NUDCD3: variants seen among roughly 807,000 people sequenced by gnomAD.
The protein encoded by NUDCD3 is nudC domain-containing protein 3.
NUDCD3 carries 13 observed loss-of-function variants against 39.7 expected under a neutral mutation model. That is an observed-to-expected ratio of 0.33 (90% CI 0.21 to 0.52). The LOEUF is 0.52. NUDCD3 is among the 20% of genes least tolerant of loss of function. The probability of loss-of-function intolerance (pLI) is 0.96; values close to 1 mark genes in which losing one functional copy is unlikely to be tolerated. For missense variants in NUDCD3, 453 were observed against 458.1 expected, an observed-to-expected ratio of 0.99 and a Z score of 0.10; for synonymous variants, 175 against 172.4, an observed-to-expected ratio of 1.02 and a Z score of -0.12.
chr7:44,386,016 A>C lies in NUDCD3; in HGVS notation c.1081T>G (p.Phe361Val), dbSNP rs1798394364. The change falls in exon 6 of 6, where the codon TTT (phenylalanine) becomes GTT (valine). Residue 361 changes from phenylalanine to valine, a missense_variant. Phe to Val is a conservative substitution (Grantham distance 50). Coordinates refer to ENST00000355451, the MANE Select transcript of NUDCD3 (RefSeq NM_015332.4). ...MFNISPGAVQ[F>V] ...GTTTCCTTTCCTTCTGGTCATTAAA[A>C]CTGCACAGCCCCCGGGGAGATGTTG... 6.7e-7 allele frequency: 1 copy of C among 1,501,212 alleles called. No homozygotes were observed. The highest frequency in any genetic ancestry group is 9.3e-7 in the Non-Finnish European group (1 of 1,077,056). 93.0% of individuals were successfully genotyped at this position (1,501,212 alleles called of 1,614,324 possible).
chr7:44,442,765 G>A (rs1284278044), intron 2 of NUDCD3, among the ~76,000 whole-genome samples: 2 of 147,928 alleles, frequency 1.4e-5, no homozygotes, highest in African/African-American at 2.5e-5. Flanking sequence ...GCGCTATCGC[G>A]GCTCACTGCA....
chr7:44,475,720 G>T (rs531976784), intron 2 of NUDCD3, among the ~76,000 whole-genome samples: 2 of 151,810 alleles, frequency 1.3e-5, no homozygotes, highest in African/African-American at 4.8e-5. Context: ...CAATTGCACC[G>T]TGCTCCACTA....
At position 44,485,090 on chromosome 7, in the gene NUDCD3, T is replaced by C. The variant is rs750575302; in HGVS notation, c.387A>G (p.Glu129=). The stretch of plus-strand genomic sequence containing the variant: ...GGCCTGGAGGCTGCACTTTCTCTAC[T>C]TCCTGATGCCCATCCAATTCTGTGG... ...DSTTELDGHQ[E]VEKVQPPGPV... is the part of the protein sequence containing the mutation. The change falls in exon 2 of 6, where the codon GAA becomes GAG. Residue 129 remains glutamate (E), a synonymous_variant. Coordinates refer to ENST00000355451, the MANE Select transcript of NUDCD3 (RefSeq NM_015332.4). 1.2e-6 allele frequency: 2 copies of C among 1,614,234 alleles called. No individual in the cohort carries two copies. The highest frequency in any genetic ancestry group is 1.7e-6 in the Non-Finnish European group (2 of 1,180,038).
At chr7:44,477,085 A>G (rs770085263) in intron 2 of NUDCD3, among the ~76,000 whole-genome samples, 1 of 152,134 alleles carries the variant, frequency 6.6e-6, no homozygotes, top group Non-Finnish European at 1.5e-5. Flanking sequence ...CACTACCCAA[A>G]GCAAGAGAAA....
At chr7:44,469,757 C>A (rs1800213625) in intron 2 of NUDCD3, among the ~76,000 whole-genome samples, 1 of 147,546 alleles carries the variant, frequency 6.8e-6, no homozygotes, top group Non-Finnish European at 1.5e-5. Flanking sequence ...GCATTCTTGC[C>A]AAAAACATAT....
At chr7:44,487,952 CAAAAATA>C (rs1032176037) in intron 1 of NUDCD3, among the ~76,000 whole-genome samples, 17 of 150,580 alleles carry the variant, frequency 1.1e-4, no homozygotes, top group Non-Finnish European at 1.9e-4. Flanking sequence ...GACTCCATCT[CAAAAATA>C]AAAAATAAAA....
At chr7:44,456,051 CAAAA>C (rs372176405) in intron 2 of NUDCD3, among the ~76,000 whole-genome samples, 35 of 104,776 alleles carry the variant, frequency 3.3e-4, no homozygotes, top group African/African-American at 1.3e-3. Flanking sequence ...AAAAAAAAAA[CAAAA>C]AAACAAACAA....
At position 44,440,092 on chromosome 7, in the gene NUDCD3, A is replaced by G. The variant is rs951339643; in HGVS notation, c.510-12389T>C. Among the ~76,000 whole-genome samples the G allele has an allele frequency of 2.0e-5, 3 of 152,244 alleles. No individual in the cohort carries two copies. In the East Asian group the frequency reaches 5.8e-4, roughly 29 times the overall value. Reference sequence around the variant, plus strand: ...AGTGGGGCTGGACTTAGTGGCTCTCATGAACAGGGTACAGAGAGGGGACAA... The same window carrying G: ...AGTGGGGCTGGACTTAGTGGCTCTCGTGAACAGGGTACAGAGAGGGGACAA... On this transcript the variant is annotated intron_variant, in intron 2 of 5. Transcript: ENST00000355451.
chr7:44,423,931 G>A (rs571240959), intron 3 of NUDCD3, among the ~76,000 whole-genome samples: 6 of 152,178 alleles, frequency 3.9e-5, no homozygotes, highest in Admixed American at 6.5e-5. Context: ...GCATAGTACC[G>A]GTACCAAAAG....
At chr7:44,401,288 C>T (rs1438212280) in intron 4 of NUDCD3, among the ~76,000 whole-genome samples, 3 of 152,204 alleles carry the variant, frequency 2.0e-5, no homozygotes, top group African/African-American at 7.2e-5. Context: ...CTCATTAATT[C>T]ACAATATTAT....
intron 4 of NUDCD3, chr7:44,402,691 T>C (rs187965115): frequency 6.6e-6 from 3 of 456,642 alleles, no homozygotes; most frequent in Admixed American, 2.3e-5. Flanking sequence ...CGTGACCTGC[T>C]CCATGATCTG....
In NUDCD3 at chr7:44,456,025, CAAAAAAAAAAAAA is replaced by C. The variant is rs1233592095; in HGVS notation, c.510-28335_510-28323del. On this transcript the variant is annotated intron_variant, in intron 2 of 5. Coordinates refer to ENST00000355451, the MANE Select transcript of NUDCD3 (RefSeq NM_015332.4). ...TGGGCGACAGAGCGAGACTCCGTCTCAAAAAAAAAAAAAAAAAAAAAAAAACAAAAAAACAAAC... is the reference window on the plus strand; with the variant it reads ...TGGGCGACAGAGCGAGACTCCGTCTCAAAAAAAAAAAACAAAAAAACAAAC... Among the ~76,000 whole-genome samples, 4 of 28,502 alleles carry C rather than the reference CAAAAAAAAAAAAA, an allele frequency of 1.4e-4. No individual in the cohort carries two copies. The Admixed American group carries it at 2.0e-3, about 14-fold the overall frequency. The allele number at this position is 28,502 out of a possible 152,430, so 18.7% of individuals were successfully genotyped here. A position where few individuals can be genotyped will look rare whatever the true frequency, so the allele number is the denominator to read the frequency against.
At chr7:44,393,302 T>C (rs1330636681) in intron 4 of NUDCD3, among the ~76,000 whole-genome samples, 4 of 152,174 alleles carry the variant, frequency 2.6e-5, no homozygotes, top group Non-Finnish European at 4.4e-5. Context: ...GCCCTCAGTG[T>C]TGGGGTCTGT....
chr7:44,450,362 G>A (rs1799771461), intron 2 of NUDCD3, among the ~76,000 whole-genome samples: 1 of 151,992 alleles, frequency 6.6e-6, no homozygotes, highest in East Asian at 2.0e-4. Flanking sequence ...ATGTTTAGTA[G>A]AGGTGGGGTT....
intron 2 of NUDCD3, among the ~76,000 whole-genome samples, chr7:44,441,056 C>T (rs1463942691): frequency 6.6e-6 from 1 of 152,226 alleles, no homozygotes; most frequent in East Asian, 1.9e-4. Flanking sequence ...AATAAAAGCA[C>T]TTTTCTCTCC....
rs1349327562 is a variant in NUDCD3, at chr7:44,383,806, T to G, written c.*2205A>C. 1 of 152,180 alleles carries G rather than the reference T, an allele frequency of 6.6e-6. No homozygotes were observed. The highest frequency in any genetic ancestry group is 1.5e-5 in the Non-Finnish European group (1 of 68,082). 9.4% of individuals were successfully genotyped at this position (152,180 alleles called of 1,614,324 possible). A position where few individuals can be genotyped will look rare whatever the true frequency, so the allele number is the denominator to read the frequency against. On this transcript the variant is annotated 3_prime_UTR_variant, in exon 6 of 6. Coordinates refer to ENST00000355451, the MANE Select transcript of NUDCD3 (RefSeq NM_015332.4). ...GTGCCAGCTCTGGAGACTGGGCCAGTCCAGGGTGGTGGCTCAGGGCAGAGA... is the reference window on the plus strand; with the variant it reads ...GTGCCAGCTCTGGAGACTGGGCCAGGCCAGGGTGGTGGCTCAGGGCAGAGA...
At position 44,404,284 on chromosome 7, in the gene NUDCD3, G is replaced by A. The variant is rs139122314; in HGVS notation, c.786+156C>T. Among the ~76,000 whole-genome samples, 6 of 152,206 alleles carry A rather than the reference G, an allele frequency of 3.9e-5. No homozygotes were observed. In the East Asian group the frequency reaches 1.2e-3, roughly 29 times the overall value. On this transcript the variant is annotated intron_variant, in intron 4 of 5. Coordinates refer to ENST00000355451, the MANE Select transcript of NUDCD3 (RefSeq NM_015332.4). ...TCAAGTGCCCACAGAGACGATCTCTGAGCAGTATGGAAAATGCTCAGGAAA... is the reference window on the plus strand; with the variant it reads ...TCAAGTGCCCACAGAGACGATCTCTAAGCAGTATGGAAAATGCTCAGGAAA...
At chr7:44,407,588 T>G (rs1373965716) in intron 3 of NUDCD3, among the ~76,000 whole-genome samples, 4 of 121,354 alleles carry the variant, frequency 3.3e-5, no homozygotes, top group Admixed American at 2.4e-4. Flanking sequence ...AAAAAAAAAC[T>G]AGAGAACTGA....
At chr7:44,448,420 C>T (rs1799727084) in intron 2 of NUDCD3, among the ~76,000 whole-genome samples, 1 of 152,162 alleles carries the variant, frequency 6.6e-6, no homozygotes, top group African/African-American at 2.4e-5. Flanking sequence ...AGAACACCTG[C>T]CCGAGGCGCC....
Sources: allele counts gnomAD v4.1 joint callset (sites outside exome capture counted in the v4.1 genomes callset), GRCh38; gene constraint gnomAD v4.1.1; transcripts MANE v1.5; gene names NCBI Gene and HGNC (gene_info 2026-07-23, HGNC 2026-07-21).